ZCCHC7: variants seen among roughly 807,000 people sequenced by gnomAD.
ZCCHC7 encodes zinc finger CCHC-type containing 7.
ZCCHC7 carries 35 observed loss-of-function variants against 52.0 expected under a neutral mutation model. The observed-to-expected ratio is 0.67, with a 90% CI of 0.51 to 0.89. ZCCHC7 has a LOEUF of 0.89. ZCCHC7 is among the 40% of genes least tolerant of loss of function. ZCCHC7 has a pLI of 0.00. For synonymous variants in ZCCHC7, 217 were observed against 221.5 expected, an observed-to-expected ratio of 0.98 and a Z score of 0.18; for missense variants, 574 against 649.1, an observed-to-expected ratio of 0.88 and a Z score of 1.26.
chr9:37,159,645 GATACTCCAGAAAT>G (rs546759584), intron 2 of ZCCHC7, among the ~76,000 whole-genome samples: 216 of 152,252 alleles, frequency 1.4e-3, no homozygotes, highest in Non-Finnish European at 2.4e-3. Context: ...AAGCGCTGAA[GATACTCCAGAAAT>G]CTTTGCCGTT....
intron 2 of ZCCHC7, among the ~76,000 whole-genome samples, chr9:37,257,108 C>T (rs993533227): frequency 1.3e-5 from 2 of 152,060 alleles, no homozygotes; most frequent in African/African-American, 4.8e-5. Flanking sequence ...TTAGAGAATA[C>T]AAGACTGAGG....
intron 5 of ZCCHC7, among the ~76,000 whole-genome samples, chr9:37,313,670 C>G (rs1371357608): frequency 2.0e-5 from 3 of 152,154 alleles, no homozygotes; most frequent in Non-Finnish European, 2.9e-5. Flanking sequence ...GCTGTTCTTG[C>G]AATAGTAAGT....
At chr9:37,348,886 C>G (rs1372285508) in intron 6 of ZCCHC7, among the ~76,000 whole-genome samples, 2 of 152,152 alleles carry the variant, frequency 1.3e-5, no homozygotes, top group East Asian at 3.8e-4. Flanking sequence ...CTAAGATTCT[C>G]CATTTGATTT....
At chr9:37,251,226 T>G (rs1826314444) in intron 2 of ZCCHC7, among the ~76,000 whole-genome samples, 1 of 152,184 alleles carries the variant, frequency 6.6e-6, no homozygotes. Flanking sequence ...CAGCAATCTT[T>G]CCTGTCCTCA....
At chr9:37,234,602 A>G (rs1588525128) in intron 2 of ZCCHC7, among the ~76,000 whole-genome samples, 1 of 152,250 alleles carries the variant, frequency 6.6e-6, no homozygotes, top group South Asian at 2.1e-4. Flanking sequence ...AGATTTTCTG[A>G]TAAGAAACAC....
chr9:37,210,486 A>T (rs1293314091), intron 2 of ZCCHC7, among the ~76,000 whole-genome samples: 2 of 152,174 alleles, frequency 1.3e-5, no homozygotes, highest in Non-Finnish European at 2.9e-5. Flanking sequence ...TTATGTAGAA[A>T]ACACCAAGAT....
In ZCCHC7 at chr9:37,348,347, G is replaced by GTTCGTTCTTTCTTTCTTTCT. The variant is rs370166957; in HGVS notation, c.988-1007_988-1006insGTTCTTTCTTTCTTTCTTTC. On this transcript the variant is annotated intron_variant, in intron 6 of 8. Transcript: ENST00000336755. ...TTCAATGACCAAGTGATACCAGTTCGTTCTTTCTTTCTTTCTTTCTTTCTT... is the reference window on the plus strand; with the variant it reads ...TTCAATGACCAAGTGATACCAGTTCGTTCGTTCTTTCTTTCTTTCTTTCTTTCTTTCTTTCTTTCTTTCTT... Among the ~76,000 whole-genome samples the GTTCGTTCTTTCTTTCTTTCT allele has an allele frequency of 1.9e-3, 256 of 135,588 alleles. 1 individual carries two copies. The highest frequency in any genetic ancestry group is 4.3e-3 in the African/African-American group (143 of 32,956). 89.0% of individuals were successfully genotyped at this position (135,588 alleles called of 152,430 possible).
intron 2 of ZCCHC7, among the ~76,000 whole-genome samples, chr9:37,184,838 G>C (rs1400006020): frequency 6.6e-6 from 1 of 152,068 alleles, no homozygotes; most frequent in East Asian, 1.9e-4. Flanking sequence ...TGTAACTTCT[G>C]AAAGGCATTG....
chr9:37,190,937 G>T (rs1292670329), intron 2 of ZCCHC7, among the ~76,000 whole-genome samples: 1 of 151,810 alleles, frequency 6.6e-6, no homozygotes, highest in Non-Finnish European at 1.5e-5. Flanking sequence ...TGGGAGAATT[G>T]CTTGAACCCG....
chr9:37,223,757 A>G (rs10973258), intron 2 of ZCCHC7, among the ~76,000 whole-genome samples: 1,920 of 152,308 alleles, frequency 0.013, 50 homozygotes, highest in East Asian at 0.076. Flanking sequence ...TCTTTACTAC[A>G]GAGTTGGAAA....
chr9:37,173,505 G>A (rs1821853494), intron 2 of ZCCHC7, among the ~76,000 whole-genome samples: 2 of 152,140 alleles, frequency 1.3e-5, no homozygotes, highest in Admixed American at 6.5e-5. Context: ...ATCTCTGATG[G>A]TATGTTTTGA....
chr9:37,168,202 T>C (rs971863640), intron 2 of ZCCHC7, among the ~76,000 whole-genome samples: 2 of 152,208 alleles, frequency 1.3e-5, no homozygotes, highest in African/African-American at 4.8e-5. Context: ...CACCTAGATG[T>C]CTTTCATGGA....
At chr9:37,203,534 T>G (rs553982584) in intron 2 of ZCCHC7, among the ~76,000 whole-genome samples, 3 of 152,270 alleles carry the variant, frequency 2.0e-5, no homozygotes, top group African/African-American at 7.2e-5. Context: ...CAACTCCCAC[T>G]TATGCATGAG....
Position 37,354,650 on chromosome 9 carries a change from G to A in ZCCHC7, c.1084-60G>A. The stretch of plus-strand genomic sequence containing the variant: ...TCTAATTAACATGCTCCAGAATCTT[G>A]CAAAAAGGTTTTTGAACAGTGTGAC... On this transcript the variant is annotated intron_variant, in intron 7 of 8. Transcript: ENST00000336755. This position sits in a 1 kb window ranked among gnomAD's most constrained non-coding sequence, Gnocchi z 4.0. 1 of 1,225,872 alleles carries A rather than the reference G, an allele frequency of 8.2e-7. No homozygotes were observed. The allele number at this position is 1,225,872 out of a possible 1,614,324, so 75.9% of individuals were successfully genotyped here.
At chr9:37,275,787 C>T (rs1827657621) in intron 2 of ZCCHC7, among the ~76,000 whole-genome samples, 1 of 152,126 alleles carries the variant, frequency 6.6e-6, no homozygotes, top group Non-Finnish European at 1.5e-5. Flanking sequence ...AGATTACAGG[C>T]ACCCACCACC....
At chr9:37,321,778 T>A (rs1462760042) in intron 5 of ZCCHC7, among the ~76,000 whole-genome samples, 1 of 151,918 alleles carries the variant, frequency 6.6e-6, no homozygotes, top group African/African-American at 2.4e-5. Flanking sequence ...AATAAATAAA[T>A]AAAAATAAAA....
intron 5 of ZCCHC7, among the ~76,000 whole-genome samples, chr9:37,307,545 GTACTT>G (rs924321476): frequency 2.0e-5 from 3 of 151,996 alleles, no homozygotes; most frequent in African/African-American, 7.2e-5. Context: ...AATAATAAAA[GTACTT>G]TAATATGTAC....
chr9:37,135,514 A>G (rs1842960816), intron 2 of ZCCHC7, among the ~76,000 whole-genome samples: 1 of 152,222 alleles, frequency 6.6e-6, no homozygotes, highest in African/African-American at 2.4e-5. Flanking sequence ...TATGACTGTT[A>G]TGGTATAGAA....
chr9:37,182,799 A>G (rs756597475), intron 2 of ZCCHC7, among the ~76,000 whole-genome samples: 2 of 152,218 alleles, frequency 1.3e-5, no homozygotes, highest in African/African-American at 2.4e-5. Flanking sequence ...TTTAAGGTAC[A>G]TGGTGGATAC....
Sources: allele counts gnomAD v4.1 joint callset (sites outside exome capture counted in the v4.1 genomes callset), GRCh38; gene constraint gnomAD v4.1.1; non-coding constraint Gnocchi (gnomAD v3.1); transcripts MANE v1.5; gene names NCBI Gene and HGNC (gene_info 2026-07-23, HGNC 2026-07-21).